The following RELT variants were observed in gnomAD, a reference collection of about 807,000 sequenced individuals.
RELT encodes the protein RELT TNF receptor.
In RELT, 37 loss-of-function variants were observed where a neutral mutation model predicts 51.1. The observed-to-expected ratio is 0.72, with a 90% CI of 0.56 to 0.95. The LOEUF (loss-of-function observed/expected upper bound fraction) is 0.95. Among genes scored for constraint, RELT ranks in the 40% least tolerant of loss-of-function variants. RELT has a pLI of 0.00. For missense variants in RELT, 535 were observed against 572.6 expected, an observed-to-expected ratio of 0.93 and a Z score of 0.67; for synonymous variants, 241 against 235.7, an observed-to-expected ratio of 1.02 and a Z score of -0.21.
At chr11:73,385,681 G>A (rs1422442668) in intron 1 of RELT, among the ~76,000 whole-genome samples, 1 of 152,168 alleles carries the variant, frequency 6.6e-6, no homozygotes, top group Non-Finnish European at 1.5e-5. Context: ...AGAGGAGAAG[G>A]GCTGTGGAGA....
In RELT at chr11:73,394,336, G is replaced by T. The variant is rs1269942941; in HGVS notation, c.788+19G>T. 1.2e-6 allele frequency: 2 copies of T among 1,612,776 alleles called. No individual in the cohort carries two copies. Among genetic ancestry groups the T allele is most frequent in the Non-Finnish European group, 1.7e-6 (2 of 1,179,534 alleles). ...TGTCCAAGTGAGTGGGCTGGTGGGA[G>T]ATAACGGGGCCAAAACCTACATTAA... On this transcript the variant is annotated intron_variant, in intron 8 of 10. Coordinates refer to ENST00000064780, the MANE Select transcript of RELT (RefSeq NM_152222.2). This position sits in a 1 kb window ranked among gnomAD's most constrained non-coding sequence, Gnocchi z 4.9.
intron 5 of RELT, among the ~76,000 whole-genome samples, 167 bp downstream of exon 5, chr11:73,391,390 G>A (rs1470776390): frequency 1.3e-5 from 2 of 152,212 alleles, no homozygotes; most frequent in South Asian, 4.1e-4. Flanking sequence ...ACAGTCAGCC[G>A]CTCCCCTGGC....
At chr11:73,379,673 G>A (rs1866021624) in intron 1 of RELT, among the ~76,000 whole-genome samples, 1 of 152,186 alleles carries the variant, frequency 6.6e-6, no homozygotes, top group Admixed American at 6.5e-5. Flanking sequence ...GGCCAGCACT[G>A]GAAGCAGGCC....
rs1446869519 is a variant in RELT at position 73,393,817 on chromosome 11, A to C, written c.626-20A>C. 4 of 1,612,116 alleles carry C rather than the reference A, an allele frequency of 2.5e-6. No individual in the cohort carries two copies. Among genetic ancestry groups the C allele is most frequent in the Admixed American group, 3.3e-5 (2 of 59,986 alleles). The stretch of plus-strand genomic sequence containing the variant: ...CGGCTTCCCCCTCTTCCCCAGGATC[A>C]GGGCCCTTCTCTTCCCCAGGAATCA... On this transcript the variant is annotated intron_variant, in intron 6 of 10. Coordinates refer to ENST00000064780, the MANE Select transcript of RELT (RefSeq NM_152222.2).
At position 73,394,076 on chromosome 11, in the gene RELT, T is replaced by A; in HGVS notation, c.706+159T>A. 1 of 940,518 alleles carries A rather than the reference T, an allele frequency of 1.1e-6. No homozygotes were observed. The allele number at this position is 940,518 out of a possible 1,614,324, so 58.3% of individuals were successfully genotyped here. On this transcript the variant is annotated intron_variant, in intron 7 of 10. Coordinates refer to ENST00000064780, the MANE Select transcript of RELT (RefSeq NM_152222.2). This position sits in a 1 kb window ranked among gnomAD's most constrained non-coding sequence, Gnocchi z 4.9. ...GCTCTCTGACCCAGGAGTGCACACC[T>A]CTGCCTCCCATTCTTGCCTGATGAA...
At chr11:73,379,631 T>C (rs1485651863) in intron 1 of RELT, among the ~76,000 whole-genome samples, 1 of 152,236 alleles carries the variant, frequency 6.6e-6, no homozygotes, top group Non-Finnish European at 1.5e-5. Context: ...TTTGTCATTC[T>C]GTGTCCACAC....
chr11:73,391,962 C>T (rs577365994), intron 5 of RELT: 10 of 584,872 alleles, frequency 1.7e-5, no homozygotes, highest in South Asian at 1.4e-4. Flanking sequence ...CTGACCCCAG[C>T]GTGAGGGGAG....
At chr11:73,378,089 G>T (rs1865998268) in intron 1 of RELT, among the ~76,000 whole-genome samples, 1 of 152,164 alleles carries the variant, frequency 6.6e-6, no homozygotes, top group African/African-American at 2.4e-5. Context: ...AGTGGGGAGA[G>T]ACTTGTTCCC....
In RELT at chr11:73,389,159, G is replaced by T; in HGVS notation, c.23G>T (p.Arg8Leu). 1.3e-6 allele frequency: 2 copies of T among 1,551,016 alleles called. No individual in the cohort carries two copies. The highest frequency in any genetic ancestry group is 1.7e-6 in the Non-Finnish European group (2 of 1,147,828). Residue 8 changes from arginine (R) to leucine (L), a missense_variant, in exon 2 of 11, where the codon CGG becomes CTG. Transcript: ENST00000064780. Reference sequence around the variant, plus strand: ...AGGATGAAGCCAAGTCTGCTGTGCCGGCCCCTGTCCTGCTTCCTTATGGTG... The same window carrying T: ...AGGATGAAGCCAAGTCTGCTGTGCCTGCCCCTGTCCTGCTTCCTTATGGTG... MKPSLLC[R>L]PLSCFLMLLP...
chr11:73,387,297 G>C (rs1019561779), intron 1 of RELT, among the ~76,000 whole-genome samples: 1 of 152,134 alleles, frequency 6.6e-6, no homozygotes, highest in East Asian at 1.9e-4. Context: ...AGGCCTAGTG[G>C]GGAAGTGAAG....
chr11:73,393,407 C>T, intron 6 of RELT: 1 of 1,165,124 alleles, frequency 8.6e-7, no homozygotes, highest in Non-Finnish European at 1.1e-6. Context: ...TAGGGGCACT[C>T]AGTTAAATTG....
At chr11:73,382,293 T>C (rs190310897) in intron 1 of RELT, among the ~76,000 whole-genome samples, 1 of 152,286 alleles carries the variant, frequency 6.6e-6, no homozygotes, top group African/African-American at 2.4e-5. Context: ...GGCTGTGGTC[T>C]CCCCCAAGTC....
At chr11:73,379,592 C>G (rs1866020110) in intron 1 of RELT, among the ~76,000 whole-genome samples, 1 of 152,236 alleles carries the variant, frequency 6.6e-6, no homozygotes, top group Non-Finnish European at 1.5e-5. Context: ...CTTCACCTTC[C>G]AGACGCGGTA....
intron 1 of RELT, among the ~76,000 whole-genome samples, chr11:73,383,929 G>T (rs1395801731): frequency 2.6e-5 from 4 of 152,226 alleles, no homozygotes; most frequent in African/African-American, 9.7e-5. Flanking sequence ...TCTGTTGATG[G>T]GTGGCCTTTG....
At chr11:73,391,890 A>C in intron 5 of RELT, 1 of 471,510 alleles carries the variant, frequency 2.1e-6, no homozygotes, top group Admixed American at 3.4e-5. Context: ...GCCAGGCCAC[A>C]GGGAGGCAGA....
rs769883485 is a variant in RELT, at chr11:73,394,578, G to A, written c.890G>A (p.Arg297His). The A allele has an allele frequency of 6.8e-6, 11 of 1,612,676 alleles. No homozygotes were observed. Among genetic ancestry groups the A allele is most frequent in the Admixed American group, 3.3e-5 (2 of 60,008 alleles). Residue 297 changes from arginine (R) to histidine (H), a missense_variant, in exon 9 of 11, where the codon CGC (arginine) becomes CAC (histidine). Arg to His is a conservative substitution (Grantham distance 29). Transcript: ENST00000064780. This position sits in a 1 kb window ranked among gnomAD's most constrained non-coding sequence, Gnocchi z 4.9. ...LASLSGPCCS[R>H]CSQKKWPEVL... ...TCGCTCTCTGGCCCCTGCTGCTCCC[G>A]CTGTAGCCAGAAGAAGTGGCCCGAG... is the stretch of plus-strand genomic sequence containing the variant.
At position 73,389,129 on chromosome 11, in the gene RELT, G is replaced by T. The variant is rs1239234099; in HGVS notation, c.-8G>T. On this transcript the variant is annotated 5_prime_UTR_variant, in exon 2 of 11. Coordinates refer to ENST00000064780, the MANE Select transcript of RELT (RefSeq NM_152222.2). ...TGCCCTAGGCCGGCGACCACCAGGGGCCTGAGGATGAAGCCAAGTCTGCTG... is the reference window on the plus strand; with the variant it reads ...TGCCCTAGGCCGGCGACCACCAGGGTCCTGAGGATGAAGCCAAGTCTGCTG... The T allele has an allele frequency of 6.5e-7, 1 of 1,548,250 alleles. No individual in the cohort carries two copies. Among genetic ancestry groups the T allele is most frequent in the Non-Finnish European group, 8.7e-7 (1 of 1,146,514 alleles).
chr11:73,389,114 C>A lies in RELT; in HGVS notation c.-23C>A. The A allele has an allele frequency of 1.3e-6, 2 of 1,535,308 alleles. No individual in the cohort carries two copies. Among genetic ancestry groups the A allele is most frequent in the Non-Finnish European group, 1.8e-6 (2 of 1,136,920 alleles). On this transcript the variant is annotated splice_region_variant and 5_prime_UTR_variant, in exon 2 of 11. Coordinates refer to ENST00000064780, the MANE Select transcript of RELT (RefSeq NM_152222.2). ...AGCCTCCTCTCCATCTGCCCTAGGCCGGCGACCACCAGGGGCCTGAGGATG... is the reference window on the plus strand; with the variant it reads ...AGCCTCCTCTCCATCTGCCCTAGGCAGGCGACCACCAGGGGCCTGAGGATG...
intron 7 of RELT, 82 bp downstream of exon 7, chr11:73,393,999 A>G: frequency 1.4e-6 from 2 of 1,386,062 alleles, no homozygotes; most frequent in Non-Finnish European, 2.1e-6. Context: ...CGCGGTGGGC[A>G]GAGTCTTGCC....
Sources: gnomAD v4.1 joint callset for allele counts (sites outside exome capture counted in the v4.1 genomes callset) on GRCh38, gnomAD v4.1.1 for gene constraint, Gnocchi (gnomAD v3.1) non-coding constraint, MANE v1.5 for transcripts, NCBI Gene and HGNC (gene_info 2026-07-23, HGNC 2026-07-21) for gene names.